The following MTIF3 variants were observed in gnomAD, a reference collection of about 807,000 sequenced individuals.
The protein encoded by MTIF3 is mitochondrial translational initiation factor 3, also known as translation initiation factor IF-3, mitochondrial.
MTIF3 carries 13 observed loss-of-function variants against 20.7 expected under a neutral mutation model. That is an observed-to-expected ratio of 0.63 (90% CI 0.41 to 1.00). The LOEUF (loss-of-function observed/expected upper bound fraction) is 1.00, where lower values mean the gene tolerates loss of function less well. MTIF3 is among the 50% of genes least tolerant of loss of function. The pLI is 0.00. For missense variants in MTIF3, 295 were observed against 324.5 expected, an observed-to-expected ratio of 0.91 and a Z score of 0.70; for synonymous variants, 114 against 112.5, an observed-to-expected ratio of 1.01 and a Z score of -0.08.
intron 1 of MTIF3, chr13:27,450,266 G>C (rs1227805962): frequency 6.6e-6 from 1 of 152,318 alleles, no homozygotes; most frequent in Non-Finnish European, 1.5e-5. Context: ...AGTGGGGCTG[G>C]CGGCAACTCT....
rs1399970964 is a variant in MTIF3 at position 27,439,397 on chromosome 13, A to G, written c.460+592T>C. 4.6e-5 allele frequency among the ~76,000 whole-genome samples: 7 copies of G among 152,284 alleles called. No individual in the cohort carries two copies. The South Asian group carries it at 1.5e-3, about 32-fold the overall frequency. The stretch of plus-strand genomic sequence containing the variant: ...TGTAATCCCAGCCACTGGGGAGGCT[A>G]AGGCAGGAGAATCGCTTGAGCCTGG... On this transcript the variant is annotated intron_variant, in intron 3 of 4. Transcript: ENST00000381120.
chr13:27,439,919 A>G, intron 3 of MTIF3, 70 bp downstream of exon 3: 2 of 1,388,610 alleles, frequency 1.4e-6, no homozygotes, highest in Admixed American at 2.1e-5. Flanking sequence ...GCACCTTGAC[A>G]AATGCTAGAA....
At chr13:27,447,069 T>G (rs1338267471) in intron 1 of MTIF3, among the ~76,000 whole-genome samples, 1 of 152,078 alleles carries the variant, frequency 6.6e-6, no homozygotes, top group Non-Finnish European at 1.5e-5. Context: ...AGTGAACGGT[T>G]AAAAGTTAAC....
At position 27,437,143 on chromosome 13, in the gene MTIF3, T is replaced by C. The variant is rs768549717; in HGVS notation, c.591A>G (p.Lys197=). ...TTTCATTTTCTGACACGTCTACATT[T>C]TTTCCTTTCTTTATGGTAATCTGGA... is the stretch of plus-strand genomic sequence containing the variant. The part of the protein sequence containing the change: ...HLVQITIKKG[K]NVDVSENEME... Residue 197 remains lysine, a synonymous_variant, in exon 4 of 5, where the codon AAA becomes AAG. Transcript: ENST00000381120. 1 of 1,613,964 alleles carries C rather than the reference T, an allele frequency of 6.2e-7. No individual in the cohort carries two copies. Among genetic ancestry groups the C allele is most frequent in the East Asian group, 2.2e-5 (1 of 44,876 alleles).
chr13:27,446,944 G>A lies in MTIF3; in HGVS notation c.-70-1788C>T, dbSNP rs975293541. ...CTCAGAATTCACCACTATATAATTC[G>A]TCCATGTAATGAAAAACCACTTGCA... is the stretch of plus-strand genomic sequence containing the variant. On this transcript the variant is annotated intron_variant, in intron 1 of 4. Transcript: ENST00000381120. Among the ~76,000 whole-genome samples the A allele has an allele frequency of 6.6e-5, 10 of 152,112 alleles. 1 individual carries two copies. In the East Asian group the frequency reaches 7.7e-4, roughly 12 times the overall value.
At chr13:27,446,193 A>G (rs1185786277) in intron 1 of MTIF3, among the ~76,000 whole-genome samples, 1 of 152,000 alleles carries the variant, frequency 6.6e-6, no homozygotes, top group African/African-American at 2.4e-5. Context: ...AGTAGCCGGG[A>G]TTACAGGTGT....
chr13:27,437,395 G>T, intron 3 of MTIF3, 122 bp from the exon 4 acceptor site: 5 of 827,930 alleles, frequency 6.0e-6, no homozygotes, highest in Non-Finnish European at 9.2e-6. Context: ...CTGGCTTTCA[G>T]TTTCACAGAC....
At chr13:27,439,958 G>T (rs1247978789) in intron 3 of MTIF3, 31 bp downstream of exon 3, 1 of 1,587,856 alleles carries the variant, frequency 6.3e-7, no homozygotes, top group Middle Eastern at 1.7e-4. Flanking sequence ...AGCTCTTAAA[G>T]GATTCAGGGA....
At chr13:27,438,486 T>TTG (rs1332163976) in intron 3 of MTIF3, among the ~76,000 whole-genome samples, 13 of 42,162 alleles carry the variant, frequency 3.1e-4, no homozygotes, top group African/African-American at 8.3e-4. Context: ...CAAGACTGTT[T>TTG]TTTTTTTTTT....
intron 1 of MTIF3, among the ~76,000 whole-genome samples, chr13:27,448,522 T>C (rs1252782287): frequency 6.6e-6 from 1 of 152,122 alleles, no homozygotes; most frequent in Non-Finnish European, 1.5e-5. Context: ...CATGCTCCCC[T>C]CCCTTGGCTC....
At position 27,440,109 on chromosome 13, in the gene MTIF3, G is replaced by C; in HGVS notation, c.340C>G (p.Leu114Val). ...CTGGTGTTCCTTTGAACCAGTCGCA[G>C]GTCTCGCTCATCCATAAGTCTAATC... is the stretch of plus-strand genomic sequence containing the variant. The part of the protein sequence containing the change: ...NVIRLMDERD[L>V]RLVQRNTSTE... Residue 114 changes from leucine (L) to valine (V), a missense_variant, in exon 3 of 5, where the codon CTG (leucine) becomes GTG (valine). By Grantham distance (32) the Leu-to-Val change is conservative. Coordinates refer to ENST00000381120, the MANE Select transcript of MTIF3 (RefSeq NM_152912.5). 6.2e-7 allele frequency: 1 copy of C among 1,614,212 alleles called. No individual in the cohort carries two copies. Among genetic ancestry groups the C allele is most frequent in the Non-Finnish European group, 8.5e-7 (1 of 1,180,044 alleles).
rs772934324 is a variant in MTIF3, at chr13:27,437,157, T to C, written c.577A>G (p.Ile193Val). 8.7e-6 allele frequency: 14 copies of C among 1,614,046 alleles called. No individual in the cohort carries two copies. Among genetic ancestry groups the C allele is most frequent in the African/African-American group, 2.7e-5 (2 of 74,948 alleles). ...IKKKHLVQITIKKGKNVDVSE... is the reference protein window; with the variant it reads ...IKKKHLVQITVKKGKNVDVSE... ...ACGTCTACATTTTTTCCTTTCTTTA[T>C]GGTAATCTGGACTAGGTGTTTTTTC... The change falls in exon 4 of 5, where the codon ATA (isoleucine) becomes GTA (valine). Residue 193 changes from isoleucine to valine, a missense_variant. Ile to Val is a conservative substitution (Grantham distance 29). Transcript: ENST00000381120.
chr13:27,436,597 G>A (rs1218824), intron 4 of MTIF3, among the ~76,000 whole-genome samples: 83,528 of 151,778 alleles, frequency 0.55, 24,844 homozygotes, highest in South Asian at 0.68. Context: ...TTGCTTTTAA[G>A]GAATAATGTG....
intron 3 of MTIF3, among the ~76,000 whole-genome samples, chr13:27,438,173 G>A (rs1953855317): frequency 6.6e-6 from 1 of 152,114 alleles, no homozygotes; most frequent in Non-Finnish European, 1.5e-5. Context: ...ATAGACCCTA[G>A]AGTATGCACC....
intron 1 of MTIF3, among the ~76,000 whole-genome samples, chr13:27,446,509 G>A (rs571552015): frequency 1.2e-4 from 19 of 152,242 alleles, no homozygotes; most frequent in African/African-American, 4.6e-4. Flanking sequence ...TCTAGGTTAT[G>A]GTTATACGGG....
chr13:27,438,987 C>T (rs138786784), intron 3 of MTIF3, among the ~76,000 whole-genome samples: 4 of 152,308 alleles, frequency 2.6e-5, no homozygotes, highest in African/African-American at 7.2e-5. Flanking sequence ...TGCCTGTCCC[C>T]GTGCGCCATC....
chr13:27,440,530 G>A (rs1953972345), intron 2 of MTIF3, 81 bp from the exon 3 acceptor site: 10 of 1,122,488 alleles, frequency 8.9e-6, no homozygotes. Flanking sequence ...GGCAGGGTGT[G>A]TGTGAGGTTG....
intron 1 of MTIF3, among the ~76,000 whole-genome samples, chr13:27,448,083 T>C (rs1954238764): frequency 7.0e-6 from 1 of 142,106 alleles, no homozygotes; most frequent in African/African-American, 2.6e-5. Context: ...ACTGATAAAA[T>C]ATTTGCAGGG....
At chr13:27,443,299 C>A (rs1566086403) in intron 2 of MTIF3, among the ~76,000 whole-genome samples, 1 of 152,162 alleles carries the variant, frequency 6.6e-6, no homozygotes, top group Non-Finnish European at 1.5e-5. Flanking sequence ...AAAGTCAGAT[C>A]TTTTGTGAAT....
Sources: gnomAD v4.1 joint callset for allele counts (sites outside exome capture counted in the v4.1 genomes callset) on GRCh38, gnomAD v4.1.1 for gene constraint, MANE v1.5 for transcripts, NCBI Gene and HGNC (gene_info 2026-07-23, HGNC 2026-07-21) for gene names.